The following EEF1G variants were observed in gnomAD, a reference collection of about 807,000 sequenced individuals.
EEF1G encodes the protein eukaryotic translation elongation factor 1 gamma, also known as elongation factor 1-gamma.
In EEF1G, 14 loss-of-function variants were observed where a neutral mutation model predicts 58.3. The observed-to-expected ratio is 0.24, with a 90% CI of 0.16 to 0.38. The LOEUF (loss-of-function observed/expected upper bound fraction) is 0.38, where lower values mean the gene tolerates loss of function less well. EEF1G is among the 10% of genes least tolerant of loss of function. EEF1G has a pLI of 1.00. For missense variants in EEF1G, 322 were observed against 550.1 expected (o/e 0.59, Z 4.15); for synonymous variants, 180 against 206.8 (o/e 0.87, Z 1.11).
At chr11:62,571,202 G>T (rs1590711439) in intron 4 of EEF1G, 94 bp from the exon 5 acceptor site, 4 of 1,570,722 alleles carry the variant, frequency 2.5e-6, no homozygotes, top group Non-Finnish European at 2.6e-6. Context: ...TTTTCACCTA[G>T]AAGTCTGAGC....
chr11:62,562,240 A>T (rs920309757), intron 7 of EEF1G, among the ~76,000 whole-genome samples: 2 of 152,038 alleles, frequency 1.3e-5, no homozygotes, highest in Non-Finnish European at 2.9e-5. Flanking sequence ...CCCTTCCTAA[A>T]CCAAGGTATA....
intron 7 of EEF1G, among the ~76,000 whole-genome samples, chr11:62,561,767 C>T (rs1383776947): frequency 6.6e-6 from 1 of 151,330 alleles, no homozygotes; most frequent in Non-Finnish European, 1.5e-5. Flanking sequence ...TACTCTAACT[C>T]ACTACTTTGA....
chr11:62,572,044 T>A, intron 2 of EEF1G, 143 bp from the exon 3 acceptor site: 1 of 732,582 alleles, frequency 1.4e-6, no homozygotes, highest in Non-Finnish European at 2.3e-6. Flanking sequence ...GAACCATAAA[T>A]AAATACTTCA....
intron 5 of EEF1G, among the ~76,000 whole-genome samples, chr11:62,569,085 GCACACACACA>G (rs58533891): frequency 6.7e-6 from 1 of 149,294 alleles, no homozygotes; most frequent in Non-Finnish European, 1.5e-5. Context: ...ATACACACAC[GCACACACACA>G]CACACACCCC....
In EEF1G at chr11:62,567,457, G is replaced by A; in HGVS notation, c.594C>T (p.Pro198=). The A allele has an allele frequency of 6.2e-7, 1 of 1,612,610 alleles. No individual in the cohort carries two copies. The highest frequency in any genetic ancestry group is 8.5e-7 in the Non-Finnish European group (1 of 1,179,286). ...NRWFLTCINQ[P]QFRAVLGEVK... Reference sequence around the variant, plus strand: ...CTTCGCCCAAGACAGCCCGGAACTGGGGCTGGTTAATGCAGGTGAGGAACC... The same window carrying A: ...CTTCGCCCAAGACAGCCCGGAACTGAGGCTGGTTAATGCAGGTGAGGAACC... Residue 198 remains proline (P), a synonymous_variant, in exon 6 of 10, where the codon CCC becomes CCT. Transcript: ENST00000329251.
intron 5 of EEF1G, among the ~76,000 whole-genome samples, chr11:62,569,816 T>G (rs1024216136): frequency 4.2e-5 from 6 of 144,374 alleles, no homozygotes; most frequent in African/African-American, 1.8e-4. Flanking sequence ...TGTTTTTTCT[T>G]TTGCTATGAT....
rs376649256 is a variant in EEF1G at position 62,559,811 on chromosome 11, G to A, written c.1182C>T (p.Tyr394=). The A allele has an allele frequency of 5.8e-5, 93 of 1,613,800 alleles. No homozygotes were observed. The highest frequency in any genetic ancestry group is 1.6e-4 in the Middle Eastern group (1 of 6,084). Residue 394 remains tyrosine (Y), a synonymous_variant, in exon 10 of 10, where the codon TAC becomes TAT. Transcript: ENST00000329251. The part of the protein sequence containing the change: ...FPLSPDWQVD[Y]ESYTWRKLDP... ...CCAGTTTCCGCCATGTGTATGACTC[G>A]TAGTCCACCTGCCAATCTGGACTCA...
intron 7 of EEF1G, among the ~76,000 whole-genome samples, chr11:62,561,682 C>CA (rs58957254): frequency 8.0e-5 from 10 of 124,602 alleles, no homozygotes; most frequent in East Asian, 2.3e-4. Flanking sequence ...AAAAAAAAAA[C>CA]AAAAAAAAAA....
intron 7 of EEF1G, among the ~76,000 whole-genome samples, chr11:62,563,793 G>T (rs1941526099): frequency 6.6e-6 from 1 of 152,160 alleles, no homozygotes; most frequent in Admixed American, 6.5e-5. Context: ...ACCTGTCCAA[G>T]ATTACACTGT....
At chr11:62,572,193 T>C (rs1418145692) in intron 2 of EEF1G, among the ~76,000 whole-genome samples, 1 of 152,144 alleles carries the variant, frequency 6.6e-6, no homozygotes, top group Non-Finnish European at 1.5e-5. Context: ...TCAATGTCTG[T>C]ATCAGTTAAA....
intron 5 of EEF1G, 91 bp downstream of exon 5, chr11:62,570,874 C>T: frequency 1.3e-6 from 2 of 1,562,350 alleles, no homozygotes; most frequent in Non-Finnish European, 1.7e-6. Flanking sequence ...TTTCCAAGTC[C>T]TCAGCAGAAT....
In EEF1G at chr11:62,573,169, C is replaced by T. The variant is rs533279003; in HGVS notation, c.13-427G>A. ...TGCTCACCGCTTCAAAAGCATCGTC[C>T]TGTCTCTAAGGCACGCACGACGATC... On this transcript the variant is annotated intron_variant, in intron 1 of 9. Transcript: ENST00000329251. The T allele has an allele frequency of 3.7e-3, 596 of 159,318 alleles. 2 individuals are homozygous for T. The highest frequency in any genetic ancestry group is 5.5e-3 in the Non-Finnish European group (397 of 72,708). 9.9% of individuals were successfully genotyped at this position (159,318 alleles called of 1,614,324 possible). A position where few individuals can be genotyped will look rare whatever the true frequency, so the allele number is the denominator to read the frequency against.
At chr11:62,573,518 A>C (rs902364211) in intron 1 of EEF1G, 7 of 515,502 alleles carry the variant, frequency 1.4e-5, no homozygotes, top group Non-Finnish European at 2.4e-5. Context: ...ACGGACACAG[A>C]AGTTCGTCAA....
intron 2 of EEF1G, 38 bp from the exon 3 acceptor site, chr11:62,571,939 C>G (rs745548258): frequency 1.6e-5 from 25 of 1,547,248 alleles, no homozygotes; most frequent in Non-Finnish European, 2.2e-5. Context: ...GTAAAACACA[C>G]AAAATTTCTT....
rs190652281 is a variant in EEF1G at position 62,563,950 on chromosome 11, A to G, written c.857+2856T>C. 2.0e-5 allele frequency among the ~76,000 whole-genome samples: 3 copies of G among 152,168 alleles called. No individual in the cohort carries two copies. The East Asian group carries it at 5.8e-4, about 29-fold the overall frequency. On this transcript the variant is annotated intron_variant, in intron 7 of 9. Transcript: ENST00000329251. ...CACACCCTCCTGAACTGTTCAAGCTATTTGTTTTGAGACAGGGTCTTGCTC... is the reference window on the plus strand; with the variant it reads ...CACACCCTCCTGAACTGTTCAAGCTGTTTGTTTTGAGACAGGGTCTTGCTC...
intron 7 of EEF1G, 142 bp downstream of exon 7, chr11:62,566,664 T>C (rs1175854022): frequency 3.2e-5 from 26 of 803,068 alleles, no homozygotes; most frequent in Non-Finnish European, 1.9e-6. Context: ...GCCAGAAAGC[T>C]GCTTTATTTG....
At chr11:62,561,689 A>C (rs1486616156) in intron 7 of EEF1G, among the ~76,000 whole-genome samples, 11 of 150,360 alleles carry the variant, frequency 7.3e-5, no homozygotes, top group East Asian at 3.9e-4. Flanking sequence ...AAACAAAAAA[A>C]AAAAAAACAA....
chr11:62,570,942 A>G, intron 5 of EEF1G, 23 bp downstream of exon 5: 1 of 1,613,552 alleles, frequency 6.2e-7, no homozygotes, highest in Non-Finnish European at 8.5e-7. Flanking sequence ...CCCACTGCCA[A>G]ATGGATTTTC....
At chr11:62,568,024 T>C (rs938961525) in intron 5 of EEF1G, among the ~76,000 whole-genome samples, 2 of 150,628 alleles carry the variant, frequency 1.3e-5, no homozygotes, top group Non-Finnish European at 3.0e-5. Flanking sequence ...GGTCAGGAGA[T>C]CGAGACCATC....
Sources: gnomAD v4.1 joint callset for allele counts (sites outside exome capture counted in the v4.1 genomes callset) on GRCh38, gnomAD v4.1.1 for gene constraint, MANE v1.5 for transcripts, NCBI Gene and HGNC (gene_info 2026-07-23, HGNC 2026-07-21) for gene names.